Variants in ENTPD4 observed in about 807,000 individuals in gnomAD.
ENTPD4 encodes the protein ectonucleoside triphosphate diphosphohydrolase 4, also known as Golgi UDPase.
Under a neutral mutation model 79.1 loss-of-function variants are expected in ENTPD4, and 60 were observed. The observed-to-expected ratio is 0.76, with a 90% CI of 0.62 to 0.94. The LOEUF (loss-of-function observed/expected upper bound fraction) is 0.94, where lower values mean the gene tolerates loss of function less well. ENTPD4 is among the 40% of genes least tolerant of loss of function. The pLI is 0.00. For missense variants in ENTPD4, 772 were observed against 775.1 expected (o/e 1.00, Z 0.05); for synonymous variants, 276 against 292.0 (o/e 0.95, Z 0.56).
At chr8:23,453,638 G>A (rs1399138423) in intron 1 of ENTPD4, among the ~76,000 whole-genome samples, 9 of 152,150 alleles carry the variant, frequency 5.9e-5, no homozygotes, top group Non-Finnish European at 2.9e-5. Flanking sequence ...GGTGATACTT[G>A]GCTAACAGGG....
intron 12 of ENTPD4, 140 bp downstream of exon 12, chr8:23,434,177 A>T: frequency 8.6e-7 from 1 of 1,166,842 alleles, no homozygotes; most frequent in Non-Finnish European, 1.2e-6. Flanking sequence ...GACCAAAAGC[A>T]AACGTCACTG....
At chr8:23,444,666 T>C (rs1000817934) in intron 4 of ENTPD4, 60 bp from the exon 5 acceptor site, 3 of 1,478,810 alleles carry the variant, frequency 2.0e-6, no homozygotes, top group Admixed American at 1.7e-5. Flanking sequence ...ATGTGATGTT[T>C]CTTCAGAGTG....
At chr8:23,438,759 CA>C (rs1414875436) in intron 9 of ENTPD4, among the ~76,000 whole-genome samples, 1 of 152,104 alleles carries the variant, frequency 6.6e-6, no homozygotes, top group Non-Finnish European at 1.5e-5. Context: ...ATGGGACTAC[CA>C]ATCTTATAAT....
Position 23,430,988 on chromosome 8 carries a change from C to T in ENTPD4, c.*1938G>A, listed in dbSNP as rs147863557. On this transcript the variant is annotated 3_prime_UTR_variant, in exon 13 of 13. Coordinates refer to ENST00000358689, the MANE Select transcript of ENTPD4 (RefSeq NM_004901.5). ...GTAAATCCAGAGGCAGAGCCTGGGT[C>T]CCCAGGCTGCTGGTAACACGCTTTG... is the stretch of plus-strand genomic sequence containing the variant. 197 of 984,500 alleles carry T rather than the reference C, an allele frequency of 2.0e-4. No individual in the cohort carries two copies. In the African/African-American group the frequency reaches 3.2e-3, roughly 16 times the overall value. 61.0% of individuals were successfully genotyped at this position (984,500 alleles called of 1,614,324 possible).
At chr8:23,439,971 A>G (rs1800639117) in intron 8 of ENTPD4, 56 bp from the exon 9 acceptor site, 1 of 1,498,112 alleles carries the variant, frequency 6.7e-7, no homozygotes, top group South Asian at 1.2e-5. Flanking sequence ...GCCTCCTACT[A>G]AAAAGAAAAG....
chr8:23,449,166 C>G (rs1172341391), intron 2 of ENTPD4, among the ~76,000 whole-genome samples: 1 of 152,170 alleles, frequency 6.6e-6, no homozygotes, highest in African/African-American at 2.4e-5. Context: ...TCTGGGTTTT[C>G]CCCTTCTCTT....
At chr8:23,457,140 A>C (rs1800972321) in intron 1 of ENTPD4, among the ~76,000 whole-genome samples, 1 of 152,252 alleles carries the variant, frequency 6.6e-6, no homozygotes, top group South Asian at 2.1e-4. Context: ...ATCTGGCAAA[A>C]GCAAAGCAAA....
chr8:23,455,683 A>C (rs1800945619), intron 1 of ENTPD4, among the ~76,000 whole-genome samples: 1 of 152,154 alleles, frequency 6.6e-6, no homozygotes, highest in African/African-American at 2.4e-5. Flanking sequence ...ACTTTTCCTG[A>C]ATTAACTCTG....
chr8:23,429,747 T>G lies in ENTPD4; in HGVS notation c.*3179A>C. 1 of 985,446 alleles carries G rather than the reference T, an allele frequency of 1.0e-6. No individual in the cohort carries two copies. The highest frequency in any genetic ancestry group is 1.2e-6 in the Non-Finnish European group (1 of 829,934). 61.0% of individuals were successfully genotyped at this position (985,446 alleles called of 1,614,324 possible). On this transcript the variant is annotated 3_prime_UTR_variant, in exon 13 of 13. Transcript: ENST00000358689. Reference sequence around the variant, plus strand: ...GGGTGGCTGGGCAGGGGCCCCATGTTACTGGCCTCAGCCACCAGCAGCGTC... The same window carrying G: ...GGGTGGCTGGGCAGGGGCCCCATGTGACTGGCCTCAGCCACCAGCAGCGTC...
rs1800476364 is a variant in ENTPD4, at chr8:23,432,689, GGGGTTTCA to G, written c.*229_*236del. 1 of 895,916 alleles carries G rather than the reference GGGGTTTCA, an allele frequency of 1.1e-6. No individual in the cohort carries two copies. The highest frequency in any genetic ancestry group is 1.5e-6 in the Non-Finnish European group (1 of 665,580). The allele number at this position is 895,916 out of a possible 1,614,324, so 55.5% of individuals were successfully genotyped here. ...AATTTTTTGTATTTTTAGTAGAGAC[GGGGTTTCA>G]CCGTGTTAGCCAGGATGGTCTCGAT... On this transcript the variant is annotated 3_prime_UTR_variant, in exon 13 of 13. Coordinates refer to ENST00000358689, the MANE Select transcript of ENTPD4 (RefSeq NM_004901.5).
Position 23,432,741 on chromosome 8 carries a change from G to A in ENTPD4, c.*185C>T, listed in dbSNP as rs540215421. ...TCTCGATCTCCTGACCTCATGATCC[G>A]CCCGCCTCGGCCTCCCAAAGTGCTG... is the stretch of plus-strand genomic sequence containing the variant. On this transcript the variant is annotated 3_prime_UTR_variant, in exon 13 of 13. Transcript: ENST00000358689. The A allele has an allele frequency of 6.6e-4, 857 of 1,299,490 alleles. 3 individuals carry two copies. Among genetic ancestry groups the A allele is most frequent in the Non-Finnish European group, 8.1e-4 (800 of 987,270 alleles). 80.5% of individuals were successfully genotyped at this position (1,299,490 alleles called of 1,614,324 possible).
intron 5 of ENTPD4, 73 bp from the exon 6 acceptor site, chr8:23,444,026 A>G: frequency 1.9e-6 from 2 of 1,053,056 alleles, no homozygotes; most frequent in Non-Finnish European, 2.8e-6. Flanking sequence ...AAGGAAAAAA[A>G]TAAACAAACA....
rs202134899 is a variant in ENTPD4, at chr8:23,448,896, T to C, written c.52A>G (p.Ile18Val). The C allele has an allele frequency of 6.8e-6, 11 of 1,614,002 alleles. No individual in the cohort carries two copies. Among genetic ancestry groups the C allele is most frequent in the South Asian group, 2.2e-5 (2 of 91,078 alleles). The change falls in exon 3 of 13, where the codon ATA becomes GTA. Residue 18 changes from isoleucine to valine, a missense_variant. Physicochemically the swap from Ile to Val is conservative, Grantham distance 29. Coordinates refer to ENST00000358689, the MANE Select transcript of ENTPD4 (RefSeq NM_004901.5). ...CLFPASWHFS[I>V]SPVGCPRILN... ...ATTCGAGGACACCCTACTGGAGATA[T>C]GCTAAAATGCCAAGAAGCAGGAAAA...
chr8:23,448,648 C>T, intron 3 of ENTPD4, 94 bp downstream of exon 3: 1 of 1,000,214 alleles, frequency 1.0e-6, no homozygotes, highest in Non-Finnish European at 1.5e-6. Flanking sequence ...GTTTATAAGC[C>T]ACCCAGTCTA....
At chr8:23,450,719 T>A (rs554896011) in intron 1 of ENTPD4, among the ~76,000 whole-genome samples, 57 of 152,336 alleles carry the variant, frequency 3.7e-4, no homozygotes, top group African/African-American at 1.3e-3. Context: ...CATTCTCTTC[T>A]AACTACAATC....
Position 23,430,463 on chromosome 8 carries a change from G to A in ENTPD4, c.*2463C>T. ...ATTCCTGATTTAAGAGGATGCTTCT[G>A]TCTGTATCCTTTTTTGAACTGCATT... On this transcript the variant is annotated 3_prime_UTR_variant, in exon 13 of 13. Transcript: ENST00000358689. The A allele has an allele frequency of 1.0e-6, 1 of 985,446 alleles. No homozygotes were observed. The highest frequency in any genetic ancestry group is 1.2e-6 in the Non-Finnish European group (1 of 829,938). The allele number at this position is 985,446 out of a possible 1,614,324, so 61.0% of individuals were successfully genotyped here.
chr8:23,430,412 T>C lies in ENTPD4; in HGVS notation c.*2514A>G. ...AGTTTGGTTACTTCTCTTGTCCATC[T>C]TTTCGTGCCCACAAATGGAAACTAC... On this transcript the variant is annotated 3_prime_UTR_variant, in exon 13 of 13. Coordinates refer to ENST00000358689, the MANE Select transcript of ENTPD4 (RefSeq NM_004901.5). The C allele has an allele frequency of 1.0e-6, 1 of 985,464 alleles. No homozygotes were observed. The allele number at this position is 985,464 out of a possible 1,614,324, so 61.0% of individuals were successfully genotyped here.
chr8:23,442,455 G>A (rs1321241743), intron 6 of ENTPD4, among the ~76,000 whole-genome samples: 1 of 152,176 alleles, frequency 6.6e-6, no homozygotes, highest in African/African-American at 2.4e-5. Context: ...TGAGGCCGAG[G>A]CAGGCAGATC....
At chr8:23,443,071 AG>A (rs1402569056) in intron 6 of ENTPD4, among the ~76,000 whole-genome samples, 1 of 151,816 alleles carries the variant, frequency 6.6e-6, no homozygotes, top group Non-Finnish European at 1.5e-5. Context: ...CCTCCCTCAG[AG>A]CCCCACCCTT....
Sources: allele counts gnomAD v4.1 joint callset (sites outside exome capture counted in the v4.1 genomes callset), GRCh38; gene constraint gnomAD v4.1.1; transcripts MANE v1.5; gene names NCBI Gene and HGNC (gene_info 2026-07-23, HGNC 2026-07-21).